Variants in LDLRAD4 observed in about 807,000 individuals in gnomAD.
LDLRAD4 encodes the protein low density lipoprotein receptor class A domain containing 4.
Under a neutral mutation model 17.0 loss-of-function variants are expected in LDLRAD4, and 5 were observed. The observed-to-expected ratio is 0.29, with a 90% CI of 0.15 to 0.62. The LOEUF (loss-of-function observed/expected upper bound fraction) is 0.62, where lower values mean the gene tolerates loss of function less well. Among genes scored for constraint, LDLRAD4 ranks in the 20% least tolerant of loss-of-function variants. The pLI is 0.84. For synonymous variants in LDLRAD4, 168 were observed against 171.8 expected (o/e 0.98, Z 0.17); for missense variants, 340 against 424.7 (o/e 0.80, Z 1.75).
rs758661816 is a variant in LDLRAD4, at chr18:13,612,552, C to G, written c.182-8565C>G. 235 of 1,449,860 alleles carry G rather than the reference C, an allele frequency of 1.6e-4. 5 individuals are homozygous for G. In the South Asian group the frequency reaches 3.0e-3, roughly 18 times the overall value. 89.8% of individuals were successfully genotyped at this position (1,449,860 alleles called of 1,614,324 possible). ...CGAGGCAGACAGAAACACACCCCCC[C>G]CCCCTCCACGCTCACACACTCTCCC... On this transcript the variant is annotated intron_variant, in intron 3 of 5. Coordinates refer to ENST00000359446, the Ensembl canonical transcript of LDLRAD4.
intron 3 of LDLRAD4, chr18:13,611,931 C>T: frequency 1.0e-6 from 1 of 985,452 alleles, no homozygotes; most frequent in African/African-American, 1.7e-5. Flanking sequence ...AAGAGGACAG[C>T]CCGCAGCCTG....
chr18:13,434,572 AT>A (rs762175555), intron 2 of LDLRAD4, among the ~76,000 whole-genome samples: 29 of 152,046 alleles, frequency 1.9e-4, no homozygotes, highest in Non-Finnish European at 3.2e-4. Flanking sequence ...ATTTTTAAAA[AT>A]TTTCCATTGT....
intron 3 of LDLRAD4, among the ~76,000 whole-genome samples, chr18:13,603,219 T>G (rs1311710780): frequency 1.3e-5 from 2 of 152,172 alleles, no homozygotes. Context: ...GTGGTACAGT[T>G]TGTTTCTAGG....
intron 1 of LDLRAD4, among the ~76,000 whole-genome samples, chr18:13,250,746 C>T (rs1232341166): frequency 6.6e-6 from 1 of 152,304 alleles, no homozygotes; most frequent in East Asian, 1.9e-4. Flanking sequence ...AAAAGTCTGT[C>T]ACAGCAGAAA....
chr18:13,422,704 C>T (rs2089600889), intron 2 of LDLRAD4, among the ~76,000 whole-genome samples: 1 of 152,154 alleles, frequency 6.6e-6, no homozygotes. Context: ...TCTCAAAAAA[C>T]AAAACCAAAC....
intron 2 of LDLRAD4, among the ~76,000 whole-genome samples, chr18:13,417,350 C>T (rs140306249): frequency 6.6e-6 from 1 of 152,202 alleles, no homozygotes; most frequent in East Asian, 1.9e-4. Flanking sequence ...AGGAAAACCA[C>T]GTGATTTGTT....
intron 3 of LDLRAD4, among the ~76,000 whole-genome samples, chr18:13,610,673 T>C (rs567193448): frequency 6.6e-6 from 1 of 152,268 alleles, no homozygotes; most frequent in Non-Finnish European, 1.5e-5. Context: ...AAGCCTATCA[T>C]GTGACTGAGC....
At chr18:13,605,660 C>T (rs1440319026) in intron 3 of LDLRAD4, among the ~76,000 whole-genome samples, 1 of 152,218 alleles carries the variant, frequency 6.6e-6, no homozygotes, top group Non-Finnish European at 1.5e-5. Flanking sequence ...GCAGGAAGCA[C>T]CTGCCATGCC....
chr18:13,348,515 G>A (rs193123589), intron 1 of LDLRAD4, among the ~76,000 whole-genome samples: 2 of 152,296 alleles, frequency 1.3e-5, no homozygotes, highest in South Asian at 2.1e-4. Context: ...GCTACTTGGC[G>A]GTCAGGGATC....
intron 1 of LDLRAD4, among the ~76,000 whole-genome samples, chr18:13,379,890 G>T (rs2085207267): frequency 6.6e-6 from 1 of 152,170 alleles, no homozygotes; most frequent in Non-Finnish European, 1.5e-5. Context: ...TGCCTGTCAT[G>T]CCCATTTTAA....
At chr18:13,382,406 T>A (rs1331370714) in intron 1 of LDLRAD4, 1 of 152,214 alleles carries the variant, frequency 6.6e-6, no homozygotes, top group Non-Finnish European at 1.5e-5. Flanking sequence ...CCCTGTAACT[T>A]ACTTGGTTAG....
chr18:13,536,609 CTT>C (rs895484245), intron 3 of LDLRAD4, among the ~76,000 whole-genome samples: 2 of 145,704 alleles, frequency 1.4e-5, no homozygotes, highest in Non-Finnish European at 1.5e-5. Flanking sequence ...CCTTTAATGT[CTT>C]TTTTTTTTTA....
intron 1 of LDLRAD4, among the ~76,000 whole-genome samples, chr18:13,352,893 A>G (rs544124206): frequency 4.6e-5 from 7 of 152,142 alleles, no homozygotes; most frequent in African/African-American, 1.4e-4. Flanking sequence ...TTTTGAAAAT[A>G]TAGTAGCATT....
intron 1 of LDLRAD4, among the ~76,000 whole-genome samples, chr18:13,229,490 T>C (rs1047944357): frequency 6.6e-6 from 1 of 152,190 alleles, no homozygotes; most frequent in African/African-American, 2.4e-5. Flanking sequence ...GTGAGACATC[T>C]GCCCTGCACT....
chr18:13,279,579 A>G (rs2045121910), intron 1 of LDLRAD4: 2 of 152,248 alleles, frequency 1.3e-5, no homozygotes, highest in South Asian at 4.1e-4. Context: ...GCAAAAGTAA[A>G]AATAATTCTT....
chr18:13,250,555 C>A (rs913800003), intron 1 of LDLRAD4, among the ~76,000 whole-genome samples: 2 of 152,136 alleles, frequency 1.3e-5, no homozygotes, highest in Non-Finnish European at 1.5e-5. Flanking sequence ...TGAAACATCA[C>A]AATGGATACC....
chr18:13,382,304 A>T (rs2085429907), intron 1 of LDLRAD4, among the ~76,000 whole-genome samples: 1 of 152,190 alleles, frequency 6.6e-6, no homozygotes, highest in Non-Finnish European at 1.5e-5. Context: ...GAAAGATATA[A>T]TACGGACACA....
chr18:13,289,744 G>A (rs1199038775), intron 1 of LDLRAD4, among the ~76,000 whole-genome samples: 1 of 152,230 alleles, frequency 6.6e-6, no homozygotes, highest in East Asian at 1.9e-4. Flanking sequence ...ATGGGAGGTG[G>A]AGAGAACAGC....
chr18:13,438,085 TG>T (rs1165988175), intron 2 of LDLRAD4, among the ~76,000 whole-genome samples, 158 bp from the exon 4 acceptor site: 2 of 152,216 alleles, frequency 1.3e-5, no homozygotes, highest in African/African-American at 4.8e-5. Context: ...CTTACCCAGA[TG>T]GCCCTTCTCT....
Sources: allele counts gnomAD v4.1 joint callset (sites outside exome capture counted in the v4.1 genomes callset), GRCh38; gene constraint gnomAD v4.1.1; transcripts MANE v1.5; gene names NCBI Gene and HGNC (gene_info 2026-07-23, HGNC 2026-07-21).